RHBDL1: variants seen among roughly 807,000 people sequenced by gnomAD.
RHBDL1 encodes rhomboid-related protein 1.
Under a neutral mutation model 34.0 loss-of-function variants are expected in RHBDL1, and 21 were observed. The ratio of observed to expected loss-of-function variants is 0.62; its 90% confidence interval spans 0.44 to 0.89. The LOEUF is 0.89. Ranked by LOEUF, RHBDL1 falls within the 40% of genes least tolerant of loss-of-function variation. RHBDL1 has a pLI of 0.00. For missense variants in RHBDL1, 450 were observed against 530.6 expected (o/e 0.85, Z 1.49); for synonymous variants, 268 against 234.8 (o/e 1.14, Z -1.29).
chr16:676,549 G>A lies in RHBDL1; in HGVS notation c.201+52G>A, dbSNP rs780650904. 6.4e-7 allele frequency: 1 copy of A among 1,569,240 alleles called. No homozygotes were observed. Among genetic ancestry groups the A allele is most frequent in the Non-Finnish European group, 8.6e-7 (1 of 1,161,596 alleles). ...GGGGCACGGTGTCCTGGCCAGAGGA[G>A]GCGGGCAGGCAGCTCCTCACGGCGG... On this transcript the variant is annotated intron_variant, in intron 2 of 7. Transcript: ENST00000352681. The surrounding 1 kb of genome is among the most constrained non-coding windows in gnomAD (Gnocchi z 6.9).
At position 676,617 on chromosome 16, in the gene RHBDL1, C is replaced by T; in HGVS notation, c.202-55C>T. ...GATGCGGGGAGCTGGGTGAGCCTCACAGGCAGGGGTGCCATGGGGAGGTCC... is the reference window on the plus strand; with the variant it reads ...GATGCGGGGAGCTGGGTGAGCCTCATAGGCAGGGGTGCCATGGGGAGGTCC... On this transcript the variant is annotated intron_variant, in intron 2 of 7. Coordinates refer to ENST00000352681, the MANE Select transcript of RHBDL1 (RefSeq NM_001278720.2). This position sits in a 1 kb window ranked among gnomAD's most constrained non-coding sequence, Gnocchi z 6.9. 1 of 1,593,458 alleles carries T rather than the reference C, an allele frequency of 6.3e-7. No individual in the cohort carries two copies. Among genetic ancestry groups the T allele is most frequent in the Admixed American group, 1.7e-5 (1 of 59,670 alleles).
At position 676,579 on chromosome 16, in the gene RHBDL1, T is replaced by G. The variant is rs553682111; in HGVS notation, c.201+82T>G. 10 of 1,568,624 alleles carry G rather than the reference T, an allele frequency of 6.4e-6. No individual in the cohort carries two copies. Among genetic ancestry groups the G allele is most frequent in the Non-Finnish European group, 8.6e-6 (10 of 1,159,802 alleles). ...GCAGGCAGCTCCTCACGGCGGTGGG[T>G]GGGGGGCTTGTGGATGCGGGGAGCT... On this transcript the variant is annotated intron_variant, in intron 2 of 7. Coordinates refer to ENST00000352681, the MANE Select transcript of RHBDL1 (RefSeq NM_001278720.2). This position sits in a 1 kb window ranked among gnomAD's most constrained non-coding sequence, Gnocchi z 6.9.
In RHBDL1 at chr16:677,957, G is replaced by C. The variant is rs1448359222; in HGVS notation, c.1027G>C (p.Val343Leu). ...RLRDQCGWWV[V>L]LLAYGTFLLF... ...GCGGGACCAGTGCGGCTGGTGGGTG[G>C]TGCTGCTGGCCTACGGCACCTTCCT... Residue 343 changes from valine to leucine, a missense_variant, in exon 8 of 8, where the codon GTG (valine) becomes CTG (leucine). Physicochemically the swap from Val to Leu is conservative, Grantham distance 32 (BLOSUM62 1). Coordinates refer to ENST00000352681, the MANE Select transcript of RHBDL1 (RefSeq NM_001278720.2). The C allele has an allele frequency of 3.1e-6, 5 of 1,602,924 alleles. No individual in the cohort carries two copies. The highest frequency in any genetic ancestry group is 4.2e-6 in the Non-Finnish European group (5 of 1,179,412).
chr16:676,974 A>T lies in RHBDL1; in HGVS notation c.430A>T (p.Ile144Phe). ...AGCCTAACACTCGTGTCCCCAGATC[A>T]TCGTGTTCCTGTGTTACGGGGCCCG... ...FMASVTLAQI[I>F]VFLCYGARLN... Residue 144 changes from isoleucine to phenylalanine, a missense_variant, in exon 4 of 8, where the codon ATC becomes TTC. Transcript: ENST00000352681. The surrounding 1 kb of genome is among the most constrained non-coding windows in gnomAD (Gnocchi z 6.9). 1 of 1,612,256 alleles carries T rather than the reference A, an allele frequency of 6.2e-7. No individual in the cohort carries two copies.
In RHBDL1 at chr16:676,400, A is replaced by G. The variant is rs1312867945; in HGVS notation, c.104A>G (p.His35Arg). The G allele has an allele frequency of 2.7e-5, 44 of 1,608,862 alleles. No homozygotes were observed. Among genetic ancestry groups the G allele is most frequent in the Non-Finnish European group, 3.6e-5 (43 of 1,178,824 alleles). Residue 35 changes from histidine to arginine, a missense_variant, in exon 2 of 8, where the codon CAT becomes CGT. Coordinates refer to ENST00000352681, the MANE Select transcript of RHBDL1 (RefSeq NM_001278720.2). The surrounding 1 kb of genome is among the most constrained non-coding windows in gnomAD (Gnocchi z 6.9). ...ACCTTCACTGGCCTGGTGCACAGCCATGAGCTGCCCCTGGACCCGGCCAAG... is the reference window on the plus strand; with the variant it reads ...ACCTTCACTGGCCTGGTGCACAGCCGTGAGCTGCCCCTGGACCCGGCCAAG... ...ADTFTGLVHS[H>R]ELPLDPAKLD...
In RHBDL1 at chr16:675,790, T is replaced by C; in HGVS notation, c.-1T>C. 2 of 1,495,524 alleles carry C rather than the reference T, an allele frequency of 1.3e-6. No individual in the cohort carries two copies. Among genetic ancestry groups the C allele is most frequent in the Non-Finnish European group, 1.8e-6 (2 of 1,125,688 alleles). 92.6% of individuals were successfully genotyped at this position (1,495,524 alleles called of 1,614,324 possible). A position where few individuals can be genotyped will look rare whatever the true frequency, so the allele number is the denominator to read the frequency against. Reference sequence around the variant, plus strand: ...CGGACCCCGGCCCCCGGCCAGGCTCTATGGACAGGAGCTCGCTGCTGCAGC... The same window carrying C: ...CGGACCCCGGCCCCCGGCCAGGCTCCATGGACAGGAGCTCGCTGCTGCAGC... On this transcript the variant is annotated 5_prime_UTR_variant, in exon 1 of 8. Coordinates refer to ENST00000352681, the MANE Select transcript of RHBDL1 (RefSeq NM_001278720.2).
rs1361307120 is a variant in RHBDL1, at chr16:675,747, GGCCGCGGCC to G, written c.-39_-31del. 2.2e-5 allele frequency: 30 copies of G among 1,357,980 alleles called. No individual in the cohort carries two copies. The highest frequency in any genetic ancestry group is 2.8e-5 in the Non-Finnish European group (29 of 1,022,498). 84.1% of individuals were successfully genotyped at this position (1,357,980 alleles called of 1,614,324 possible). ...AGTCGTCCGCAGAGCAGCCCCTCCC[GGCCGCGGCC>G]GCCGACCCCGGACCCCGGCCCCCGG... is the stretch of plus-strand genomic sequence containing the variant. On this transcript the variant is annotated 5_prime_UTR_variant, in exon 1 of 8. Transcript: ENST00000352681.
rs765910868 is a variant in RHBDL1 at position 677,893 on chromosome 16, CA to C, written c.964del (p.Met322TrpfsTer3). 2 of 1,600,852 alleles carry C rather than the reference CA, an allele frequency of 1.2e-6. No homozygotes were observed. ...TGGCAGGCGCGGTGGTGGGGGTGAG[CA>C]TGGGCCTGACCATCCTGCGGAGCTA... ...HLAGAVVGVSMGLTILRSYEE... is the reference protein window; with the variant it reads ...HLAGAVVGVSXGLTILRSYEE... On this transcript the variant is annotated frameshift_variant, in exon 8 of 8. Coordinates refer to ENST00000352681, the MANE Select transcript of RHBDL1 (RefSeq NM_001278720.2). LOFTEE classifies it low-confidence loss of function (END_TRUNC).
In RHBDL1 at chr16:676,862, C is replaced by T. The variant is rs776024522; in HGVS notation, c.392C>T (p.Pro131Leu). The T allele has an allele frequency of 5.0e-6, 8 of 1,612,118 alleles. No individual in the cohort carries two copies. Among genetic ancestry groups the T allele is most frequent in the Non-Finnish European group, 6.8e-6 (8 of 1,179,744 alleles). The change falls in exon 3 of 8, where the codon CCC becomes CTC. Residue 131 changes from proline to leucine, a missense_variant. Pro to Leu is a moderately conservative substitution (Grantham distance 98). Transcript: ENST00000352681. The surrounding 1 kb of genome is among the most constrained non-coding windows in gnomAD (Gnocchi z 6.9). The part of the protein sequence containing the change: ...WYFYRHRSCP[P>L]PVFMASVTLA... ...TTCTACCGTCACCGCAGCTGCCCACCCCCCGTGTTCATGGCCTCGGTCACT... is the reference window on the plus strand; with the variant it reads ...TTCTACCGTCACCGCAGCTGCCCACTCCCCGTGTTCATGGCCTCGGTCACT...
Position 677,565 on chromosome 16 carries a change from G to A in RHBDL1, c.789+6G>A, listed in dbSNP as rs530552310. The A allele has an allele frequency of 3.1e-6, 5 of 1,608,822 alleles. No homozygotes were observed. Among genetic ancestry groups the A allele is most frequent in the Admixed American group, 3.3e-5 (2 of 59,736 alleles). On this transcript the variant is annotated splice_donor_region_variant and intron_variant, in intron 6 of 7. Transcript: ENST00000352681. The stretch of plus-strand genomic sequence containing the variant: ...ACCTGGCCAACGTTGTCATGGTAAC[G>A]GGCCTGCCCGGTGGGGGGCGTGGGG...
rs1204449138 is a variant in RHBDL1, at chr16:678,095, T to C, written c.*43T>C. 6.0e-6 allele frequency: 9 copies of C among 1,496,214 alleles called. No homozygotes were observed. The South Asian group carries it at 1.1e-4, about 18-fold the overall frequency. The allele number at this position is 1,496,214 out of a possible 1,614,324, so 92.7% of individuals were successfully genotyped here. A position where few individuals can be genotyped will look rare whatever the true frequency, so the allele number is the denominator to read the frequency against. On this transcript the variant is annotated 3_prime_UTR_variant, in exon 8 of 8. Transcript: ENST00000352681. ...CACAGGCCAGGGCTCGGGCATGTGG[T>C]GGCCGCCCACCAGGGGCCTTCACGT...
At position 676,046 on chromosome 16, in the gene RHBDL1, G is replaced by A. The variant is rs551361731; in HGVS notation, c.39+217G>A. The A allele has an allele frequency of 1.2e-3, 1,644 of 1,419,270 alleles. 1 individual carries two copies. Among genetic ancestry groups the A allele is most frequent in the Admixed American group, 3.3e-3 (113 of 34,064 alleles). 87.9% of individuals were successfully genotyped at this position (1,419,270 alleles called of 1,614,324 possible). A position where few individuals can be genotyped will look rare whatever the true frequency, so the allele number is the denominator to read the frequency against. The stretch of plus-strand genomic sequence containing the variant: ...GGAGAGTCGGGGGGAGGGAGGGAGG[G>A]AGGGAGGGAGGGCGGGCAGCTGGCT... On this transcript the variant is annotated intron_variant, in intron 1 of 7. Coordinates refer to ENST00000352681, the MANE Select transcript of RHBDL1 (RefSeq NM_001278720.2). The surrounding 1 kb of genome is among the most constrained non-coding windows in gnomAD (Gnocchi z 6.9).
chr16:676,139 T>C lies in RHBDL1; in HGVS notation c.40-197T>C. On this transcript the variant is annotated intron_variant, in intron 1 of 7. Transcript: ENST00000352681. This position sits in a 1 kb window ranked among gnomAD's most constrained non-coding sequence, Gnocchi z 6.9. ...GAAGACGGGGGAACAACTGAGGAGC[T>C]GGAGGACTGGGACCCAGGCACCAGT... 6.8e-7 allele frequency: 1 copy of C among 1,464,388 alleles called. No homozygotes were observed. Among genetic ancestry groups the C allele is most frequent in the Non-Finnish European group, 9.1e-7 (1 of 1,104,086 alleles). The allele number at this position is 1,464,388 out of a possible 1,614,324, so 90.7% of individuals were successfully genotyped here. A position where few individuals can be genotyped will look rare whatever the true frequency, so the allele number is the denominator to read the frequency against.
Position 676,476 on chromosome 16 carries a change from C to T in RHBDL1, c.180C>T (p.Cys60=). Reference sequence around the variant, plus strand: ...AGAGCAACGAGCAGGGCCAGGTCTGCTACCAGGAGCTGGTGGACCTGGTCA... The same window carrying T: ...AGAGCAACGAGCAGGGCCAGGTCTGTTACCAGGAGCTGGTGGACCTGGTCA... ...LAQSNEQGQV[C]YQELVDLISS... The change falls in exon 2 of 8, where the codon TGC becomes TGT. Residue 60 remains cysteine, a synonymous_variant. Coordinates refer to ENST00000352681, the MANE Select transcript of RHBDL1 (RefSeq NM_001278720.2). The surrounding 1 kb of genome is among the most constrained non-coding windows in gnomAD (Gnocchi z 6.9). 6.3e-7 allele frequency: 1 copy of T among 1,594,774 alleles called. No individual in the cohort carries two copies. The highest frequency in any genetic ancestry group is 8.5e-7 in the Non-Finnish European group (1 of 1,172,904).
chr16:675,983 G>A, intron 1 of RHBDL1, 154 bp downstream of exon 1: 3 of 1,413,724 alleles, frequency 2.1e-6, no homozygotes, highest in Non-Finnish European at 2.8e-6. Flanking sequence ...GGGACCCCAG[G>A]AGAGGACTGA....
At position 676,271 on chromosome 16, in the gene RHBDL1, G is replaced by C. The variant is rs2151499716; in HGVS notation, c.40-65G>C. 2 of 1,574,756 alleles carry C rather than the reference G, an allele frequency of 1.3e-6. No homozygotes were observed. The highest frequency in any genetic ancestry group is 1.7e-6 in the Non-Finnish European group (2 of 1,160,538). ...GAGCCTGATGCTCCCAGCCAGCCTGGCCCAGCCCTTTGGTCCAGGGGTCGG... is the reference window on the plus strand; with the variant it reads ...GAGCCTGATGCTCCCAGCCAGCCTGCCCCAGCCCTTTGGTCCAGGGGTCGG... On this transcript the variant is annotated intron_variant, in intron 1 of 7. Transcript: ENST00000352681. The surrounding 1 kb of genome is among the most constrained non-coding windows in gnomAD (Gnocchi z 6.9).
Position 676,931 on chromosome 16 carries a change from G to A in RHBDL1, c.426+35G>A, listed in dbSNP as rs375272159. 6.2e-5 allele frequency: 100 copies of A among 1,611,258 alleles called. 1 individual carries two copies. Among genetic ancestry groups the A allele is most frequent in the South Asian group, 5.8e-4 (53 of 91,018 alleles). ...CCGGCCGCTGCCCCGGGAGCCTCCC[G>A]CGCTCCTGGCCATGACCAGCCTAAC... On this transcript the variant is annotated intron_variant, in intron 3 of 7. Transcript: ENST00000352681. The surrounding 1 kb of genome is among the most constrained non-coding windows in gnomAD (Gnocchi z 6.9).
rs577109825 is a variant in RHBDL1, at chr16:678,028, C to T, written c.1098C>T (p.Gly366=). ...ACGTCTTCGCCTACGACCTGCTGGGCGCCCACATCCCCCCACCGCCCTGAC... is the reference window on the plus strand; with the variant it reads ...ACGTCTTCGCCTACGACCTGCTGGGTGCCCACATCCCCCCACCGCCCTGAC... ...FWNVFAYDLL[G]AHIPPPP The change falls in exon 8 of 8, where the codon GGC becomes GGT. Residue 366 remains glycine, a synonymous_variant. Transcript: ENST00000352681. The T allele has an allele frequency of 3.6e-5, 57 of 1,581,106 alleles. No individual in the cohort carries two copies. The East Asian group carries it at 3.8e-4, about 11-fold the overall frequency.
rs146745951 is a variant in RHBDL1, at chr16:676,376, C to G, written c.80C>G (p.Thr27Ser). 365 of 1,609,736 alleles carry G rather than the reference C, an allele frequency of 2.3e-4. 2 individuals carry two copies. The African/African-American group carries it at 3.6e-3, about 16-fold the overall frequency. ...AACACAGGCTTCATCGGTGCGGACACCTTCACTGGCCTGGTGCACAGCCAT... is the reference window on the plus strand; with the variant it reads ...AACACAGGCTTCATCGGTGCGGACAGCTTCACTGGCCTGGTGCACAGCCAT... ...PENTGFIGAD[T>S]FTGLVHSHEL... Residue 27 changes from threonine (T) to serine (S), a missense_variant, in exon 2 of 8, where the codon ACC becomes AGC. Transcript: ENST00000352681. This position sits in a 1 kb window ranked among gnomAD's most constrained non-coding sequence, Gnocchi z 6.9.
Sources: gnomAD v4.1 joint callset for allele counts on GRCh38, gnomAD v4.1.1 for gene constraint, Gnocchi (gnomAD v3.1) non-coding constraint, MANE v1.5 for transcripts, NCBI Gene and HGNC (gene_info 2026-07-23, HGNC 2026-07-21) for gene names.